Variants in UNC5D observed in about 807,000 individuals in gnomAD.
UNC5D encodes the protein netrin receptor UNC5D.
UNC5D carries 39 observed loss-of-function variants against 105.4 expected under a neutral mutation model. That is an observed-to-expected ratio of 0.37 (90% CI 0.29 to 0.48). The LOEUF (loss-of-function observed/expected upper bound fraction) is 0.48. Ranked by LOEUF, UNC5D falls within the 20% of genes least tolerant of loss-of-function variation. The probability of loss-of-function intolerance (pLI) is 0.98; values close to 1 mark genes in which losing one functional copy is unlikely to be tolerated. For synonymous variants in UNC5D, 452 were observed against 450.4 expected, an observed-to-expected ratio of 1.00 and a Z score of -0.04; for missense variants, 991 against 1,202.4, an observed-to-expected ratio of 0.82 and a Z score of 2.60.
At chr8:35,546,674 A>G (rs1252286282) in intron 1 of UNC5D, among the ~76,000 whole-genome samples, 1 of 152,236 alleles carries the variant, frequency 6.6e-6, no homozygotes, top group Non-Finnish European at 1.5e-5. Flanking sequence ...CCTCTAACAT[A>G]TGGATTTACA....
intron 1 of UNC5D, among the ~76,000 whole-genome samples, chr8:35,244,221 T>C (rs1286800855): frequency 2.0e-5 from 3 of 152,176 alleles, no homozygotes; most frequent in Non-Finnish European, 4.4e-5. Flanking sequence ...CGAACAAACC[T>C]AAACAGGTAG....
Position 35,686,633 on chromosome 8 carries a change from C to A in UNC5D, c.1008C>A (p.Pro336=), listed in dbSNP as rs745681387. The change falls in exon 7 of 17, where the codon CCC becomes CCA. Residue 336 remains proline (P), a synonymous_variant. Coordinates refer to ENST00000404895, the MANE Select transcript of UNC5D (RefSeq NM_080872.4). ...HLRIRECTAP[P]PRNGGKFCEG... ...GGATCCGGGAGTGCACAGCACCACC[C>A]CCGAGAAATGGGGGCAAATTCTGTG... 2 of 1,605,034 alleles carry A rather than the reference C, an allele frequency of 1.2e-6. No individual in the cohort carries two copies. Among genetic ancestry groups the A allele is most frequent in the Non-Finnish European group, 1.7e-6 (2 of 1,177,334 alleles).
At chr8:35,497,071 C>T (rs186212488) in intron 1 of UNC5D, among the ~76,000 whole-genome samples, 260 of 152,192 alleles carry the variant, frequency 1.7e-3, no homozygotes, top group African/African-American at 5.8e-3. Flanking sequence ...GGAATGAAGA[C>T]CCCAATAAAT....
rs1344224927 is a variant in UNC5D, at chr8:35,394,151, A to G, written c.104-155141A>G. Reference sequence around the variant, plus strand: ...TTTGTGTCTTAGGGGTAGTTCTTCAAAAGCAGAAGAAAACGATATGTACAA... The same window carrying G: ...TTTGTGTCTTAGGGGTAGTTCTTCAGAAGCAGAAGAAAACGATATGTACAA... On this transcript the variant is annotated intron_variant, in intron 1 of 16. Transcript: ENST00000404895. 2.6e-5 allele frequency among the ~76,000 whole-genome samples: 4 copies of G among 152,282 alleles called. No homozygotes were observed. The East Asian group carries it at 7.7e-4, about 29-fold the overall frequency.
chr8:35,650,777 C>A (rs1823357348), intron 4 of UNC5D, among the ~76,000 whole-genome samples: 1 of 152,120 alleles, frequency 6.6e-6, no homozygotes. Flanking sequence ...CAGCCAAGAA[C>A]TGCTGTCTTT....
At chr8:35,787,681 A>T (rs1802810921) in intron 16 of UNC5D, among the ~76,000 whole-genome samples, 1 of 152,130 alleles carries the variant, frequency 6.6e-6, no homozygotes. Flanking sequence ...GCAGTGGTAC[A>T]ATCATAGCTC....
At chr8:35,485,370 A>G (rs761414867) in intron 1 of UNC5D, among the ~76,000 whole-genome samples, 3 of 152,330 alleles carry the variant, frequency 2.0e-5, no homozygotes, top group Non-Finnish European at 1.5e-5. Context: ...TATATCCCTT[A>G]AATGTATTCA....
chr8:35,279,641 C>T (rs569462042), intron 1 of UNC5D, among the ~76,000 whole-genome samples: 4 of 152,272 alleles, frequency 2.6e-5, no homozygotes, highest in South Asian at 2.1e-4. Context: ...CCTCAAGTCA[C>T]GTTGGTGACT....
intron 4 of UNC5D, among the ~76,000 whole-genome samples, chr8:35,618,177 A>G (rs1318298929): frequency 2.0e-5 from 3 of 152,216 alleles, no homozygotes; most frequent in Non-Finnish European, 4.4e-5. Context: ...TGACAAGAGC[A>G]GTCACTCTAG....
At chr8:35,571,347 C>G (rs552913665) in intron 3 of UNC5D, among the ~76,000 whole-genome samples, 1 of 152,184 alleles carries the variant, frequency 6.6e-6, no homozygotes, top group Non-Finnish European at 1.5e-5. Flanking sequence ...ATCCAATGTA[C>G]TTAATATAAT....
chr8:35,702,020 C>T (rs894273668), intron 7 of UNC5D, among the ~76,000 whole-genome samples: 12 of 151,636 alleles, frequency 7.9e-5, no homozygotes, highest in African/African-American at 2.9e-4. Context: ...ATTTAAAACA[C>T]TTAAAAATGT....
intron 11 of UNC5D, among the ~76,000 whole-genome samples, chr8:35,747,112 A>C (rs1193777524): frequency 6.6e-6 from 1 of 152,182 alleles, no homozygotes; most frequent in Non-Finnish European, 1.5e-5. Flanking sequence ...ACTTTTGTGG[A>C]AGACTGAACT....
intron 1 of UNC5D, among the ~76,000 whole-genome samples, chr8:35,468,427 A>G (rs752398728): frequency 3.9e-5 from 6 of 152,148 alleles, no homozygotes; most frequent in Non-Finnish European, 8.8e-5. Context: ...TATAAAGGAG[A>G]AATTAGTTGT....
At chr8:35,391,819 G>T (rs2128941509) in intron 1 of UNC5D, among the ~76,000 whole-genome samples, 1 of 152,346 alleles carries the variant, frequency 6.6e-6, no homozygotes, top group Non-Finnish European at 1.5e-5. Flanking sequence ...GGTGGGCAAA[G>T]TGAGATGAGT....
chr8:35,427,124 T>C (rs1806304788), intron 1 of UNC5D, among the ~76,000 whole-genome samples: 1 of 152,182 alleles, frequency 6.6e-6, no homozygotes, highest in African/African-American at 2.4e-5. Context: ...CAGCTCAATA[T>C]AATATGTAGA....
chr8:35,560,144 G>A (rs756103923), intron 2 of UNC5D, among the ~76,000 whole-genome samples: 10 of 152,218 alleles, frequency 6.6e-5, no homozygotes, highest in Admixed American at 2.6e-4. Context: ...AATTTAAAGG[G>A]TTGGACTTTT....
In UNC5D at chr8:35,684,748, T is replaced by A; in HGVS notation, c.918T>A (p.Pro306=). The change falls in exon 6 of 17, where the codon CCT becomes CCA. Residue 306 remains proline, a splice_region_variant and synonymous_variant. Coordinates refer to ENST00000404895, the MANE Select transcript of UNC5D (RefSeq NM_080872.4). ...AAATAACCTGCACTTCTCTTTGTCC[T>A]GGTGAGATATATGCAGATTCCCTTT... is the stretch of plus-strand genomic sequence containing the variant. The part of the protein sequence containing the change: ...VQKITCTSLC[P]VDGSWEVWSE... The A allele has an allele frequency of 6.2e-7, 1 of 1,611,324 alleles. No homozygotes were observed. The highest frequency in any genetic ancestry group is 8.5e-7 in the Non-Finnish European group (1 of 1,178,666).
intron 4 of UNC5D, among the ~76,000 whole-genome samples, chr8:35,631,457 C>G (rs1261003666): frequency 6.6e-6 from 1 of 152,206 alleles, no homozygotes; most frequent in Admixed American, 6.5e-5. Flanking sequence ...TTCAACTGCA[C>G]CATGCACTGC....
intron 3 of UNC5D, among the ~76,000 whole-genome samples, chr8:35,578,508 A>G (rs1818257958): frequency 6.6e-6 from 1 of 152,172 alleles, no homozygotes; most frequent in African/African-American, 2.4e-5. Flanking sequence ...TCCCCTTTAG[A>G]TCTGCGAAAA....
Sources: gnomAD v4.1 joint callset for allele counts (sites outside exome capture counted in the v4.1 genomes callset) on GRCh38, gnomAD v4.1.1 for gene constraint, MANE v1.5 for transcripts, NCBI Gene and HGNC (gene_info 2026-07-23, HGNC 2026-07-21) for gene names.